Variants in HDAC4 observed in about 807,000 individuals in gnomAD.
HDAC4 encodes the protein histone deacetylase A.
A neutral mutation model predicts 135.1 loss-of-function variants in HDAC4; 16 were observed. The ratio of observed to expected loss-of-function variants is 0.12; its 90% CI spans 0.08 to 0.18. HDAC4 has a LOEUF of 0.18. Among genes scored for constraint, HDAC4 ranks in the 10% least tolerant of loss-of-function variants. The pLI is 1.00. For synonymous variants in HDAC4, 685 were observed against 653.4 expected (o/e 1.05, Z -0.74); for missense variants, 1,143 against 1,511.8 (o/e 0.76, Z 4.05).
At chr2:239,104,208 G>A (rs1308343421) in intron 15 of HDAC4, among the ~76,000 whole-genome samples, 1 of 152,118 alleles carries the variant, frequency 6.6e-6, no homozygotes, top group East Asian at 1.9e-4. Flanking sequence ...GGCCCTGGGC[G>A]GCTGCGGGGG....
At chr2:239,206,258 G>A (rs1456622120) in intron 3 of HDAC4, among the ~76,000 whole-genome samples, 2 of 152,182 alleles carry the variant, frequency 1.3e-5, no homozygotes, top group African/African-American at 4.8e-5. Context: ...AGCGTGGGAG[G>A]CAGAGGCTGC....
At chr2:239,384,095 T>C (rs945041209) in intron 1 of HDAC4, among the ~76,000 whole-genome samples, 1 of 152,150 alleles carries the variant, frequency 6.6e-6, no homozygotes, top group African/African-American at 2.4e-5. Flanking sequence ...CCCTCCATCG[T>C]GCTCTGCAAA....
At chr2:239,278,070 G>A (rs896129881) in intron 2 of HDAC4, among the ~76,000 whole-genome samples, 19 of 131,052 alleles carry the variant, frequency 1.4e-4, no homozygotes, top group African/African-American at 5.4e-4. Flanking sequence ...CCGCACACTC[G>A]GCTCCCCGCT....
chr2:239,054,063 G>C (rs568273511), intron 25 of HDAC4, among the ~76,000 whole-genome samples: 1 of 152,148 alleles, frequency 6.6e-6, no homozygotes, highest in African/African-American at 2.4e-5. Flanking sequence ...TCAGGCGCAA[G>C]GGGGTGTATG....
At chr2:239,087,783 C>A (rs758935420) in intron 18 of HDAC4, among the ~76,000 whole-genome samples, 169 bp from the exon 19 acceptor site, 1 of 152,210 alleles carries the variant, frequency 6.6e-6, no homozygotes, top group South Asian at 2.1e-4. Flanking sequence ...CAGCTGGGAG[C>A]CTTTCCGGGA....
intron 1 of HDAC4, among the ~76,000 whole-genome samples, chr2:239,391,108 C>T (rs1007883889): frequency 6.6e-6 from 1 of 152,168 alleles, no homozygotes; most frequent in African/African-American, 2.4e-5. Flanking sequence ...GTGGCCAAGG[C>T]GCAATCTGGA....
chr2:239,130,072 C>T (rs931312088), intron 11 of HDAC4, among the ~76,000 whole-genome samples: 7 of 152,164 alleles, frequency 4.6e-5, no homozygotes, highest in Non-Finnish European at 8.8e-5. Flanking sequence ...TATTCCATTG[C>T]TTTTTCTGCA....
Position 239,370,766 on chromosome 2 carries a change from G to C in HDAC4, c.-219-17848C>G, listed in dbSNP as rs80168928. ...GCTGGTTGAGCACCCACTGGACTTG[G>C]GCTTGAAAACCTGTCTTCACAGCTC... On this transcript the variant is annotated intron_variant, in intron 1 of 26. Transcript: ENST00000543185. Among the ~76,000 whole-genome samples, 1,378 of 152,312 alleles carry C rather than the reference G, an allele frequency of 9.0e-3. 16 individuals are homozygous for C. The highest frequency in any genetic ancestry group is 0.032 in the African/African-American group (1,320 of 41,564).
At chr2:239,063,777 C>T (rs909784225) in intron 24 of HDAC4, among the ~76,000 whole-genome samples, 9 of 152,226 alleles carry the variant, frequency 5.9e-5, no homozygotes, top group African/African-American at 1.2e-4. Flanking sequence ...CTGCCCTTGG[C>T]GTCCTCTACT....
chr2:239,274,519 G>T (rs1352131148), intron 2 of HDAC4, among the ~76,000 whole-genome samples: 3 of 152,312 alleles, frequency 2.0e-5, no homozygotes, highest in Admixed American at 1.3e-4. Flanking sequence ...GACTAACTAG[G>T]AAACTAGGAC....
chr2:239,398,193 A>T (rs1159503376), intron 1 of HDAC4, among the ~76,000 whole-genome samples: 1 of 152,214 alleles, frequency 6.6e-6, no homozygotes, highest in Non-Finnish European at 1.5e-5. Flanking sequence ...GCCCTACATC[A>T]GGTATTAATA....
chr2:239,142,407 C>T lies in HDAC4; in HGVS notation c.865+2176G>A, dbSNP rs570240635. 2.0e-5 allele frequency among the ~76,000 whole-genome samples: 3 copies of T among 152,334 alleles called. No homozygotes were observed. The South Asian group carries it at 6.2e-4, about 32-fold the overall frequency. ...GCTCCACTCAGAGCAGCCTCCCCAT[C>T]GTGGCAGCTCCCTGGTACCAGTGCC... is the stretch of plus-strand genomic sequence containing the variant. On this transcript the variant is annotated intron_variant, in intron 8 of 26. Transcript: ENST00000543185.
chr2:239,244,617 G>A (rs757052707), intron 2 of HDAC4, among the ~76,000 whole-genome samples: 1 of 152,182 alleles, frequency 6.6e-6, no homozygotes, highest in Non-Finnish European at 1.5e-5. Context: ...GGGCTGAAAT[G>A]TCATGGCTTG....
Position 239,361,558 on chromosome 2 carries a change from G to C in HDAC4, c.-219-8640C>G, listed in dbSNP as rs188491023. Among the ~76,000 whole-genome samples, 16 of 152,202 alleles carry C rather than the reference G, an allele frequency of 1.1e-4. No homozygotes were observed. In the Middle Eastern group the frequency reaches 0.014, roughly 129 times the overall value. On this transcript the variant is annotated intron_variant, in intron 1 of 26. Transcript: ENST00000543185. Reference sequence around the variant, plus strand: ...TCATGAAGATCACAGGCAGAGAAGAGAAAAATTATGGAGTTAAGAACAAAC... The same window carrying C: ...TCATGAAGATCACAGGCAGAGAAGACAAAAATTATGGAGTTAAGAACAAAC...
intron 22 of HDAC4, among the ~76,000 whole-genome samples, chr2:239,074,952 G>A (rs545557993): frequency 2.7e-4 from 41 of 152,142 alleles, no homozygotes; most frequent in African/African-American, 8.0e-4. Flanking sequence ...GGCCGGGCAC[G>A]GTGGCTCACA....
chr2:239,212,895 G>A (rs1184015811), intron 3 of HDAC4, among the ~76,000 whole-genome samples: 1 of 152,184 alleles, frequency 6.6e-6, no homozygotes, highest in Non-Finnish European at 1.5e-5. Context: ...ACTCTTAGAC[G>A]CTGGCCAGCC....
chr2:239,252,917 C>A (rs544985209), intron 2 of HDAC4, among the ~76,000 whole-genome samples: 1 of 152,258 alleles, frequency 6.6e-6, no homozygotes, highest in African/African-American at 2.4e-5. Context: ...CCGCCAGGAA[C>A]GCACCACCTG....
intron 2 of HDAC4, among the ~76,000 whole-genome samples, chr2:239,346,868 AAC>A (rs998822746): frequency 1.6e-4 from 20 of 127,368 alleles, no homozygotes; most frequent in African/African-American, 5.5e-4. Context: ...CCCTATCTAA[AAC>A]ACACACACCC....
intron 2 of HDAC4, among the ~76,000 whole-genome samples, chr2:239,301,384 A>ACGGC (rs2052249563): frequency 6.6e-6 from 1 of 151,752 alleles, no homozygotes; most frequent in Non-Finnish European, 1.5e-5. Flanking sequence ...GCAGCAGCCC[A>ACGGC]CAGCCAGTGA....
Sources: gnomAD v4.1 joint callset for allele counts (sites outside exome capture counted in the v4.1 genomes callset) on GRCh38, gnomAD v4.1.1 for gene constraint, MANE v1.5 for transcripts, NCBI Gene and HGNC (gene_info 2026-07-23, HGNC 2026-07-21) for gene names.